FGF12: variants seen among roughly 807,000 people sequenced by gnomAD.
FGF12 encodes the protein fibroblast growth factor 12.
A neutral mutation model predicts 23.6 loss-of-function variants in FGF12; 14 were observed. The observed-to-expected ratio is 0.59, with a 90% CI of 0.39 to 0.93. The LOEUF (loss-of-function observed/expected upper bound fraction) is 0.93. FGF12 is among the 40% of genes least tolerant of loss of function. The pLI is 0.00. For missense variants in FGF12, 175 were observed against 217.8 expected, an observed-to-expected ratio of 0.80 and a Z score of 1.24; for synonymous variants, 62 against 77.3, an observed-to-expected ratio of 0.80 and a Z score of 1.04.
chr3:192,366,416 G>A lies in FGF12; in HGVS notation c.14-5878C>T, dbSNP rs114942586. ...ATAACAATAATGAAAATTATGTAAT[G>A]GGGGCCATATCTAGAGAATTAATAG... On this transcript the variant is annotated intron_variant, in intron 2 of 5. Coordinates refer to ENST00000445105, the MANE Select transcript of FGF12 (RefSeq NM_004113.6). Among the ~76,000 whole-genome samples the A allele has an allele frequency of 3.5e-3, 530 of 152,196 alleles. 1 individual carries two copies. Among genetic ancestry groups the A allele is most frequent in the African/African-American group, 0.012 (489 of 41,496 alleles).
At chr3:192,418,353 G>A (rs187533713) in intron 2 of FGF12, among the ~76,000 whole-genome samples, 47 of 152,222 alleles carry the variant, frequency 3.1e-4, no homozygotes, top group Non-Finnish European at 4.3e-4. Context: ...CAAGACACTC[G>A]TTCAACACAG....
At chr3:192,261,072 C>A (rs1577293274) in intron 4 of FGF12, among the ~76,000 whole-genome samples, 1 of 152,074 alleles carries the variant, frequency 6.6e-6, no homozygotes. Flanking sequence ...CGGCCACACA[C>A]CACAGGGTAC....
At chr3:192,176,581 C>G (rs1715874204) in intron 4 of FGF12, among the ~76,000 whole-genome samples, 1 of 152,202 alleles carries the variant, frequency 6.6e-6, no homozygotes, top group African/African-American at 2.4e-5. Context: ...CCTGTATGAA[C>G]TTGGACATGC....
intron 2 of FGF12, among the ~76,000 whole-genome samples, chr3:192,397,562 C>T (rs1358450441): frequency 6.6e-6 from 1 of 152,204 alleles, no homozygotes; most frequent in African/African-American, 2.4e-5. Context: ...TGACTCGCTC[C>T]TCAGTGAGAA....
chr3:192,397,158 G>T (rs1186498936), intron 2 of FGF12, among the ~76,000 whole-genome samples: 1 of 152,194 alleles, frequency 6.6e-6, no homozygotes, highest in Non-Finnish European at 1.5e-5. Context: ...TGACCTGTAG[G>T]TGGAGAGGGA....
intron 4 of FGF12, among the ~76,000 whole-genome samples, chr3:192,237,571 C>CA (rs1719366421): frequency 1.3e-5 from 2 of 152,110 alleles, no homozygotes; most frequent in Admixed American, 1.3e-4. Context: ...GCATTGATTC[C>CA]AAAAAACAGT....
intron 3 of FGF12, among the ~76,000 whole-genome samples, chr3:192,343,815 GT>G (rs1413705194): frequency 6.6e-6 from 1 of 152,110 alleles, no homozygotes; most frequent in Non-Finnish European, 1.5e-5. Flanking sequence ...AATATAACAT[GT>G]TTTTGTTGTT....
At chr3:192,155,298 T>C (rs1486676274) in intron 5 of FGF12, among the ~76,000 whole-genome samples, 2 of 152,326 alleles carry the variant, frequency 1.3e-5, no homozygotes, top group East Asian at 1.9e-4. Context: ...CTGGGAGCTG[T>C]AGACCGGAGC....
chr3:192,377,292 A>AC (rs1719562093), intron 2 of FGF12, among the ~76,000 whole-genome samples: 1 of 152,156 alleles, frequency 6.6e-6, no homozygotes, highest in Non-Finnish European at 1.5e-5. Context: ...CCTGATGCTC[A>AC]CCTGTTGATG....
chr3:192,392,510 C>A (rs968537429), intron 2 of FGF12, among the ~76,000 whole-genome samples: 4 of 151,310 alleles, frequency 2.6e-5, no homozygotes, highest in African/African-American at 9.7e-5. Flanking sequence ...GCAGGAGAAT[C>A]GTTTGAACTC....
In FGF12 at chr3:192,383,234, A is replaced by G. The variant is rs959863418; in HGVS notation, c.14-22696T>C. 3.3e-5 allele frequency among the ~76,000 whole-genome samples: 5 copies of G among 152,168 alleles called. No homozygotes were observed. The East Asian group carries it at 5.8e-4, about 18-fold the overall frequency. ...TATACTTTTCTGAGCTAATGAACATACTTCTCTCCTTGTGAGCTTTATTGA... is the reference window on the plus strand; with the variant it reads ...TATACTTTTCTGAGCTAATGAACATGCTTCTCTCCTTGTGAGCTTTATTGA... On this transcript the variant is annotated intron_variant, in intron 2 of 5. Transcript: ENST00000445105.
chr3:192,621,885 T>C (rs958729118), intron 2 of FGF12, among the ~76,000 whole-genome samples: 2 of 152,026 alleles, frequency 1.3e-5, no homozygotes, highest in African/African-American at 2.4e-5. Flanking sequence ...GGGAAATTGG[T>C]ACATATCTTC....
intron 4 of FGF12, among the ~76,000 whole-genome samples, chr3:192,178,570 C>T (rs1354244815): frequency 1.3e-5 from 2 of 152,138 alleles, no homozygotes; most frequent in Non-Finnish European, 2.9e-5. Flanking sequence ...ACGATCTCGG[C>T]TCACTGCAAC....
chr3:192,262,354 C>A (rs540626670), intron 4 of FGF12, among the ~76,000 whole-genome samples: 2,075 of 152,152 alleles, frequency 0.014, 46 homozygotes, highest in African/African-American at 0.048. Context: ...ATGTTGTCTC[C>A]ATTGCATGTT....
rs372038267 is a variant in FGF12, at chr3:192,618,605, A to C, written c.13+108576T>G. ...TAAAGCTAAAAATATTCTCTCTAAAACTCTGGCTCAGAAATGGACTGCTTC... is the reference window on the plus strand; with the variant it reads ...TAAAGCTAAAAATATTCTCTCTAAACCTCTGGCTCAGAAATGGACTGCTTC... On this transcript the variant is annotated intron_variant, in intron 2 of 5. Coordinates refer to ENST00000445105, the MANE Select transcript of FGF12 (RefSeq NM_004113.6). 3.3e-4 allele frequency among the ~76,000 whole-genome samples: 50 copies of C among 152,084 alleles called. No homozygotes were observed. In the East Asian group the frequency reaches 3.9e-3, roughly 12 times the overall value.
Position 192,336,128 on chromosome 3 carries a change from CACACACACAT to C in FGF12, c.125-674_125-665del, listed in dbSNP as rs1423638868. 6.6e-6 allele frequency among the ~76,000 whole-genome samples: 1 copy of C among 151,268 alleles called. No homozygotes were observed. Among genetic ancestry groups the C allele is most frequent in the Non-Finnish European group, 1.5e-5 (1 of 67,802 alleles). The stretch of plus-strand genomic sequence containing the variant: ...GGAAATACACACACACACACACACA[CACACACACAT>C]ATACACACATATATACATACTATAT... On this transcript the variant is annotated intron_variant, in intron 3 of 5. Coordinates refer to ENST00000445105, the MANE Select transcript of FGF12 (RefSeq NM_004113.6). This position sits in a 1 kb window ranked among gnomAD's most constrained non-coding sequence, Gnocchi z 4.3.
chr3:192,557,890 C>CA (rs1340011810), intron 2 of FGF12, among the ~76,000 whole-genome samples: 1 of 151,808 alleles, frequency 6.6e-6, no homozygotes, highest in East Asian at 1.9e-4. Context: ...AACAAACACT[C>CA]AAAAAACTAG....
At position 192,408,847 on chromosome 3, in the gene FGF12, TC is replaced by T; in HGVS notation, c.14-48310del. On this transcript the variant is annotated intron_variant, in intron 2 of 5. Transcript: ENST00000445105. The surrounding 1 kb of genome is among the most constrained non-coding windows in gnomAD (Gnocchi z 7.3). ...AATTTAACTCCCTGCGGCCCGCGGT[TC>T]TGAAGATTAGGAGGTCCGTCCCAGC... 2 of 985,492 alleles carry T rather than the reference TC, an allele frequency of 2.0e-6. No individual in the cohort carries two copies. The highest frequency in any genetic ancestry group is 2.4e-6 in the Non-Finnish European group (2 of 830,050). 61.0% of individuals were successfully genotyped at this position (985,492 alleles called of 1,614,324 possible). A position where few individuals can be genotyped will look rare whatever the true frequency, so the allele number is the denominator to read the frequency against.
intron 3 of FGF12, among the ~76,000 whole-genome samples, chr3:192,340,361 C>T (rs904785777): frequency 2.6e-5 from 4 of 152,072 alleles, no homozygotes; most frequent in South Asian, 4.2e-4. Flanking sequence ...ATCAAAACTA[C>T]ACTTGTATAA....
Sources: gnomAD v4.1 joint callset for allele counts (sites outside exome capture counted in the v4.1 genomes callset) on GRCh38, gnomAD v4.1.1 for gene constraint, Gnocchi (gnomAD v3.1) non-coding constraint, MANE v1.5 for transcripts, NCBI Gene and HGNC (gene_info 2026-07-23, HGNC 2026-07-21) for gene names.